USP46: variants seen among roughly 807,000 people sequenced by gnomAD.
USP46 encodes the protein ubiquitin carboxyl-terminal hydrolase 46.
USP46 carries 12 observed loss-of-function variants against 44.4 expected under a neutral mutation model. That is an observed-to-expected ratio of 0.27 (90% confidence interval 0.17 to 0.44). USP46 has a LOEUF of 0.44. USP46 is among the 20% of genes least tolerant of loss of function. The probability of loss-of-function intolerance (pLI) is 1.00; values close to 1 mark genes in which losing one functional copy is unlikely to be tolerated. For missense variants in USP46, 248 were observed against 444.8 expected, an observed-to-expected ratio of 0.56 and a Z score of 3.98; for synonymous variants, 155 against 161.5, an observed-to-expected ratio of 0.96 and a Z score of 0.31.
intron 1 of USP46, among the ~76,000 whole-genome samples, chr4:52,633,919 G>A (rs369655407): frequency 5.9e-5 from 9 of 152,022 alleles, no homozygotes; most frequent in Admixed American, 2.0e-4. Context: ...ACAGCACAGC[G>A]AAAAATCAAA....
chr4:52,609,006 T>G (rs1387751180), intron 5 of USP46, among the ~76,000 whole-genome samples: 1 of 152,124 alleles, frequency 6.6e-6, no homozygotes, highest in Non-Finnish European at 1.5e-5. Flanking sequence ...ATAGTTTAAG[T>G]TTTTGCCTGA....
chr4:52,621,127 G>A (rs1249668560), intron 4 of USP46, among the ~76,000 whole-genome samples: 1 of 152,088 alleles, frequency 6.6e-6, no homozygotes, highest in Non-Finnish European at 1.5e-5. Context: ...AGAACAGATA[G>A]ATAAAAACTT....
At chr4:52,628,312 T>C (rs1360458334) in intron 2 of USP46, 149 bp from the exon 3 acceptor site, 7 of 673,636 alleles carry the variant, frequency 1.0e-5, no homozygotes, top group African/African-American at 1.8e-5. Flanking sequence ...GAAAACTAGT[T>C]AACTACTCTA....
intron 1 of USP46, among the ~76,000 whole-genome samples, chr4:52,631,429 A>G (rs912736951): frequency 6.6e-6 from 1 of 152,224 alleles, no homozygotes; most frequent in Admixed American, 6.5e-5. Flanking sequence ...TGAACAAACA[A>G]TCGCCAAGAA....
At chr4:52,621,355 T>G (rs1382232519) in intron 4 of USP46, among the ~76,000 whole-genome samples, 1 of 152,126 alleles carries the variant, frequency 6.6e-6, no homozygotes, top group African/African-American at 2.4e-5. Flanking sequence ...GGGGTCAACA[T>G]TAGAAACTCT....
rs1716171459 is a variant in USP46 at position 52,595,050 on chromosome 4, T to C, written c.*2590A>G. 6.6e-6 allele frequency: 1 copy of C among 152,472 alleles called. No individual in the cohort carries two copies. Among genetic ancestry groups the C allele is most frequent in the Admixed American group, 6.6e-5 (1 of 15,248 alleles). 9.4% of individuals were successfully genotyped at this position (152,472 alleles called of 1,614,324 possible). A position where few individuals can be genotyped will look rare whatever the true frequency, so the allele number is the denominator to read the frequency against. The stretch of plus-strand genomic sequence containing the variant: ...TTCCTTCTGTTTTTTTTTTAAAGTG[T>C]AAAACATTGTAACTTATTTTGTAAC... On this transcript the variant is annotated 3_prime_UTR_variant, in exon 9 of 9. Transcript: ENST00000441222.
rs375942833 is a variant in USP46 at position 52,626,010 on chromosome 4, G to A, written c.561+8C>T. 14 of 1,612,304 alleles carry A rather than the reference G, an allele frequency of 8.7e-6. No homozygotes were observed. Among genetic ancestry groups the A allele is most frequent in the African/African-American group, 2.7e-5 (2 of 74,886 alleles). ...TGCGAGCTACATAAGAGCTCCCCTA[G>A]TACTTACAGTTTCACAGTTCAAGCA... On this transcript the variant is annotated splice_region_variant and intron_variant, in intron 4 of 8. Coordinates refer to ENST00000441222, the MANE Select transcript of USP46 (RefSeq NM_022832.4).
chr4:52,628,253 C>T (rs1717668781), intron 2 of USP46, 90 bp from the exon 3 acceptor site: 26 of 1,309,678 alleles, frequency 2.0e-5, no homozygotes, highest in Non-Finnish European at 2.5e-5. Flanking sequence ...GTCCCTGCTC[C>T]GTGAACTGGC....
chr4:52,637,358 G>T (rs565004648), intron 1 of USP46, among the ~76,000 whole-genome samples: 1 of 152,078 alleles, frequency 6.6e-6, no homozygotes, highest in Admixed American at 6.5e-5. Flanking sequence ...ACTCTTTCTC[G>T]GCAGCCTGGA....
At chr4:52,630,980 G>A in intron 2 of USP46, 84 bp downstream of exon 2, 6 of 1,084,940 alleles carry the variant, frequency 5.5e-6, no homozygotes, top group Non-Finnish European at 8.2e-6. Flanking sequence ...TTTAAAAATT[G>A]GTAGTGATAA....
intron 7 of USP46, among the ~76,000 whole-genome samples, chr4:52,599,519 G>A (rs1352386217): frequency 6.6e-6 from 1 of 151,986 alleles, no homozygotes; most frequent in African/African-American, 2.4e-5. Context: ...AAGAAATGGG[G>A]AATTTTAAGG....
intron 4 of USP46, among the ~76,000 whole-genome samples, chr4:52,619,596 T>C (rs1368807362): frequency 6.6e-6 from 1 of 152,228 alleles, no homozygotes; most frequent in Non-Finnish European, 1.5e-5. Flanking sequence ...CTTTCCCATT[T>C]GGTCTTCTTG....
chr4:52,596,066 T>C lies in USP46; in HGVS notation c.*1574A>G, dbSNP rs1436151956. ...TCACTTCAAGCATAAACAAACGAAA[T>C]GTTGGCATGCTTACTTAAGTTCTGA... On this transcript the variant is annotated 3_prime_UTR_variant, in exon 9 of 9. Transcript: ENST00000441222. 1 of 152,758 alleles carries C rather than the reference T, an allele frequency of 6.5e-6. No homozygotes were observed. The highest frequency in any genetic ancestry group is 1.9e-4 in the East Asian group (1 of 5,190). 9.5% of individuals were successfully genotyped at this position (152,758 alleles called of 1,614,324 possible). A position where few individuals can be genotyped will look rare whatever the true frequency, so the allele number is the denominator to read the frequency against.
At chr4:52,608,117 C>G (rs1161546830) in intron 5 of USP46, among the ~76,000 whole-genome samples, 1 of 152,132 alleles carries the variant, frequency 6.6e-6, no homozygotes, top group African/African-American at 2.4e-5. Flanking sequence ...AGAAAACACA[C>G]TTTGGGAACA....
chr4:52,601,605 G>A lies in USP46; in HGVS notation c.920+252C>T, dbSNP rs1046952002. Among the ~76,000 whole-genome samples, 8 of 151,992 alleles carry A rather than the reference G, an allele frequency of 5.3e-5. No individual in the cohort carries two copies. The South Asian group carries it at 8.3e-4, about 16-fold the overall frequency. On this transcript the variant is annotated intron_variant, in intron 7 of 8. Transcript: ENST00000441222. Reference sequence around the variant, plus strand: ...TTATTTCAAATTCTTCATAACCATCGTTTTCATGCAATGGAGATTTATTAA... The same window carrying A: ...TTATTTCAAATTCTTCATAACCATCATTTTCATGCAATGGAGATTTATTAA...
At chr4:52,658,292 A>C (rs1053372905) in intron 1 of USP46, 2 of 456,172 alleles carry the variant, frequency 4.4e-6, no homozygotes, top group East Asian at 1.4e-4. Context: ...CTACAGAAAA[A>C]GGGAAAGCAA....
intron 1 of USP46, among the ~76,000 whole-genome samples, chr4:52,634,972 C>G (rs913482334): frequency 6.6e-6 from 1 of 152,200 alleles, no homozygotes; most frequent in Non-Finnish European, 1.5e-5. Context: ...TCCACTTCAG[C>G]TACCCCTCCC....
In USP46 at chr4:52,659,030, C is replaced by A. The variant is rs1730739669; in HGVS notation, c.36+85G>T. ...GACCCCGCCGCCCCCGCCGCCCCAG[C>A]CACCGGGCGTGTGTGCAGCTCGGGC... On this transcript the variant is annotated intron_variant, in intron 1 of 8. Transcript: ENST00000441222. This position sits in a 1 kb window ranked among gnomAD's most constrained non-coding sequence, Gnocchi z 4.2. 6.9e-7 allele frequency: 1 copy of A among 1,459,470 alleles called. No individual in the cohort carries two copies. The highest frequency in any genetic ancestry group is 9.1e-7 in the Non-Finnish European group (1 of 1,097,926). The allele number at this position is 1,459,470 out of a possible 1,614,324, so 90.4% of individuals were successfully genotyped here. A position where few individuals can be genotyped will look rare whatever the true frequency, so the allele number is the denominator to read the frequency against.
chr4:52,602,504 G>C (rs1259619322), intron 6 of USP46, among the ~76,000 whole-genome samples: 1 of 152,164 alleles, frequency 6.6e-6, no homozygotes, highest in Non-Finnish European at 1.5e-5. Context: ...GCAGGAGGAT[G>C]GATGCTTCTG....
Sources: allele counts gnomAD v4.1 joint callset (sites outside exome capture counted in the v4.1 genomes callset), GRCh38; gene constraint gnomAD v4.1.1; non-coding constraint Gnocchi (gnomAD v3.1); transcripts MANE v1.5; gene names NCBI Gene and HGNC (gene_info 2026-07-23, HGNC 2026-07-21).